The following ENOX1 variants were observed in gnomAD, a reference collection of about 807,000 sequenced individuals.
ENOX1 encodes ecto-NOX disulfide-thiol exchanger 1.
In ENOX1, 42 loss-of-function variants were observed where a neutral mutation model predicts 82.5. The observed-to-expected ratio is 0.51, with a 90% CI of 0.40 to 0.66. ENOX1 has a LOEUF of 0.66. ENOX1 is among the 30% of genes least tolerant of loss of function. The pLI is 0.00. For missense variants in ENOX1, 608 were observed against 811.6 expected, an observed-to-expected ratio of 0.75 and a Z score of 3.05; for synonymous variants, 271 against 282.2, an observed-to-expected ratio of 0.96 and a Z score of 0.40.
chr13:43,555,250 C>T (rs1160629757), intron 2 of ENOX1, among the ~76,000 whole-genome samples: 2 of 152,212 alleles, frequency 1.3e-5, no homozygotes, highest in African/African-American at 2.4e-5. Context: ...TCTTAACAAT[C>T]ACACAAAGAC....
chr13:43,771,823 G>A (rs909088356), intron 1 of ENOX1, among the ~76,000 whole-genome samples: 1 of 151,552 alleles, frequency 6.6e-6, no homozygotes, highest in Non-Finnish European at 1.5e-5. Flanking sequence ...GGAGTGCAGT[G>A]GCGCCATCTT....
chr13:43,709,747 A>ATCTCCAAATGCTATCC (rs2087562372), intron 1 of ENOX1, among the ~76,000 whole-genome samples: 1 of 152,148 alleles, frequency 6.6e-6, no homozygotes, highest in Non-Finnish European at 1.5e-5. Flanking sequence ...ATAACTACAA[A>ATCTCCAAATGCTATCC]CTGATTTTTA....
chr13:43,413,089 C>T (rs1594426321), intron 3 of ENOX1, 101 bp from the exon 4 acceptor site: 6 of 1,192,340 alleles, frequency 5.0e-6, no homozygotes, highest in East Asian at 3.0e-5. Context: ...AAACAAAGAC[C>T]GATTTCCAGT....
intron 14 of ENOX1, among the ~76,000 whole-genome samples, chr13:43,238,450 C>G (rs537526509): frequency 1.3e-5 from 2 of 152,290 alleles, no homozygotes; most frequent in East Asian, 3.9e-4. Flanking sequence ...TGGAACAGAG[C>G]AGGTCTGTGT....
chr13:43,681,651 T>C (rs1447607817), intron 1 of ENOX1, among the ~76,000 whole-genome samples: 2 of 145,708 alleles, frequency 1.4e-5, no homozygotes, highest in African/African-American at 5.2e-5. Flanking sequence ...CAGACTGCAA[T>C]TAAACAGATA....
At chr13:43,629,299 T>A in intron 2 of ENOX1, among the ~76,000 whole-genome samples, 1 of 152,274 alleles carries the variant, frequency 6.6e-6, no homozygotes, top group South Asian at 2.1e-4. Flanking sequence ...TGTCCCTTTT[T>A]CTACATTTCT....
At chr13:43,728,724 A>T (rs1184857326) in intron 1 of ENOX1, among the ~76,000 whole-genome samples, 1 of 152,218 alleles carries the variant, frequency 6.6e-6, no homozygotes, top group Non-Finnish European at 1.5e-5. Context: ...AGGGGGATAT[A>T]GTAAGTAGTA....
chr13:43,252,439 T>A (rs773201554), intron 14 of ENOX1, among the ~76,000 whole-genome samples: 18 of 152,176 alleles, frequency 1.2e-4, no homozygotes, highest in Non-Finnish European at 2.4e-4. Context: ...GGGAAAGACT[T>A]CCCTGGCTCT....
At chr13:43,277,337 C>T (rs1432424424) in intron 12 of ENOX1, among the ~76,000 whole-genome samples, 1 of 152,192 alleles carries the variant, frequency 6.6e-6, no homozygotes, top group African/African-American at 2.4e-5. Flanking sequence ...TGGCCCTGTT[C>T]CCTGACCCTG....
chr13:43,593,652 C>T (rs11147917), intron 2 of ENOX1, among the ~76,000 whole-genome samples: 13,798 of 117,948 alleles, frequency 0.12, 2,657 homozygotes, highest in East Asian at 0.45. Context: ...CACCCCCACC[C>T]TGCCACCCAA....
chr13:43,269,434 A>C (rs894150336), intron 13 of ENOX1, 36 bp downstream of exon 13: 1 of 1,526,124 alleles, frequency 6.6e-7, no homozygotes. Context: ...GGGTGTTTGG[A>C]CTGATTCATA....
Position 43,359,783 on chromosome 13 carries a change from A to G in ENOX1, c.589+68T>C, listed in dbSNP as rs529961081. On this transcript the variant is annotated intron_variant, in intron 7 of 16. Coordinates refer to ENST00000690772, the MANE Select transcript of ENOX1 (RefSeq NM_001347969.2). ...TTATTTTGCATGAAGGCCAAAGGGA[A>G]TAAGCTCATATTAACATCACAAAAC... The G allele has an allele frequency of 2.1e-4, 301 of 1,433,272 alleles. 2 individuals carry two copies. The South Asian group carries it at 3.1e-3, about 15-fold the overall frequency. 88.8% of individuals were successfully genotyped at this position (1,433,272 alleles called of 1,614,324 possible).
intron 5 of ENOX1, among the ~76,000 whole-genome samples, chr13:43,377,177 T>C (rs1039226268): frequency 1.3e-5 from 2 of 152,176 alleles, no homozygotes; most frequent in Non-Finnish European, 2.9e-5. Flanking sequence ...GCTTTTACCA[T>C]GGGAGTGGAT....
chr13:43,575,339 T>C (rs76619230), intron 2 of ENOX1, among the ~76,000 whole-genome samples: 1,899 of 152,250 alleles, frequency 0.012, 27 homozygotes, highest in African/African-American at 0.038. Flanking sequence ...GAGACTTGAG[T>C]GGAAAGTCGG....
intron 2 of ENOX1, among the ~76,000 whole-genome samples, chr13:43,651,986 A>C (rs997819486): frequency 1.3e-5 from 2 of 151,776 alleles, no homozygotes; most frequent in Non-Finnish European, 2.9e-5. Flanking sequence ...AAAAAAAAAA[A>C]AAAAAAAACT....
intron 5 of ENOX1, among the ~76,000 whole-genome samples, chr13:43,399,525 C>T (rs1160998516): frequency 2.0e-5 from 3 of 152,218 alleles, no homozygotes; most frequent in South Asian, 2.1e-4. Context: ...TCCCCTTCCC[C>T]GTGCCTTCCT....
chr13:43,431,366 G>A (rs190810280), intron 3 of ENOX1, among the ~76,000 whole-genome samples: 89 of 152,200 alleles, frequency 5.8e-4, no homozygotes, highest in African/African-American at 2.1e-3. Flanking sequence ...AGGTAACTGC[G>A]CAACCACCCT....
rs1039253508 is a variant in ENOX1, at chr13:43,347,464, A to G, written c.824-2714T>C. ...TGTACTGACATTCAAATTAAATTAA[A>G]AAAACATTAGTTAAGGCATGCTTGA... is the stretch of plus-strand genomic sequence containing the variant. On this transcript the variant is annotated intron_variant, in intron 8 of 16. Coordinates refer to ENST00000690772, the MANE Select transcript of ENOX1 (RefSeq NM_001347969.2). 1.3e-4 allele frequency among the ~76,000 whole-genome samples: 20 copies of G among 152,346 alleles called. 1 individual carries two copies. The East Asian group carries it at 1.3e-3, about 10-fold the overall frequency.
At chr13:43,503,848 T>C (rs186469951) in intron 2 of ENOX1, among the ~76,000 whole-genome samples, 1 of 151,752 alleles carries the variant, frequency 6.6e-6, no homozygotes, top group African/African-American at 2.4e-5. Context: ...ATATGTGGGA[T>C]CACATCAATC....
Sources: allele counts gnomAD v4.1 joint callset (sites outside exome capture counted in the v4.1 genomes callset), GRCh38; gene constraint gnomAD v4.1.1; transcripts MANE v1.5; gene names NCBI Gene and HGNC (gene_info 2026-07-23, HGNC 2026-07-21).